Variants in DLC1 observed in about 807,000 individuals in gnomAD.
The protein encoded by DLC1 is rho GTPase-activating protein 7.
DLC1 carries 54 observed loss-of-function variants against 140.3 expected under a neutral mutation model. That is an observed-to-expected ratio of 0.38 (90% CI 0.31 to 0.48). The LOEUF (loss-of-function observed/expected upper bound fraction) is 0.48, where lower values mean the gene tolerates loss of function less well. Ranked by LOEUF, DLC1 falls within the 20% of genes least tolerant of loss-of-function variation. The probability of loss-of-function intolerance (pLI) is 0.96; values close to 1 mark genes in which losing one functional copy is unlikely to be tolerated. For missense variants in DLC1, 2,536 were observed against 1,907.0 expected (o/e 1.33, Z -6.14); for synonymous variants, 986 against 728.1 (o/e 1.35, Z -5.70).
chr8:13,519,371 A>C (rs1585236996), upstream of DLC1, among the ~76,000 whole-genome samples: 1 of 151,760 alleles, frequency 6.6e-6, no homozygotes, highest in African/African-American at 2.4e-5. Context: ...CCTGTGATCC[A>C]CCCGCCTTGG....
At chr8:13,585,923 C>T (rs1181670711) in intron 1 of DLC1, among the ~76,000 whole-genome samples, 1 of 152,124 alleles carries the variant, frequency 6.6e-6, no homozygotes, top group African/African-American at 2.4e-5. Flanking sequence ...GGATATAATT[C>T]AAACTGTAAT....
intron 5 of DLC1, among the ~76,000 whole-genome samples, chr8:13,259,007 G>A (rs766406633): frequency 2.0e-5 from 3 of 151,692 alleles, no homozygotes; most frequent in Non-Finnish European, 4.4e-5. Context: ...CGTGGTGGCG[G>A]GCGCCTGTAC....
intron 5 of DLC1, among the ~76,000 whole-genome samples, chr8:13,301,342 A>G (rs913833565): frequency 6.6e-6 from 1 of 152,136 alleles, no homozygotes; most frequent in Non-Finnish European, 1.5e-5. Flanking sequence ...CTTCTTCCAC[A>G]TGGACAGCTG....
intron 2 of DLC1, among the ~76,000 whole-genome samples, chr8:13,471,704 G>C (rs1319354499): frequency 2.6e-5 from 4 of 151,922 alleles, no homozygotes; most frequent in African/African-American, 9.7e-5. Context: ...AAAAAAGAGA[G>C]AAGGGAGAGA....
At chr8:13,173,481 C>T (rs1440910691) in intron 5 of DLC1, among the ~76,000 whole-genome samples, 1 of 149,062 alleles carries the variant, frequency 6.7e-6, no homozygotes, top group Admixed American at 6.9e-5. Flanking sequence ...AAGCGATTCT[C>T]CTGCCTCAGC....
intron 5 of DLC1, among the ~76,000 whole-genome samples, chr8:13,130,554 T>G (rs1343413599): frequency 6.6e-6 from 1 of 152,230 alleles, no homozygotes; most frequent in Admixed American, 6.5e-5. Flanking sequence ...GCCTTTCACC[T>G]TTACTCCAGA....
intron 2 of DLC1, among the ~76,000 whole-genome samples, chr8:13,457,590 T>C (rs1279847813): frequency 4.3e-5 from 6 of 138,650 alleles, no homozygotes; most frequent in African/African-American, 1.1e-4. Flanking sequence ...GGCAGGAGAA[T>C]GATGTGAACC....
chr8:13,214,797 A>T (rs575814752), intron 5 of DLC1: 1 of 779,686 alleles, frequency 1.3e-6, no homozygotes, highest in Non-Finnish European at 2.4e-6. Context: ...AGGGGAGGTA[A>T]AAAGGAGAGG....
At chr8:13,406,622 T>C (rs979164438) in intron 2 of DLC1, among the ~76,000 whole-genome samples, 3 of 152,198 alleles carry the variant, frequency 2.0e-5, no homozygotes, top group South Asian at 4.1e-4. Flanking sequence ...ATTTCTCATA[T>C]GACATGTTTT....
At chr8:13,105,469 T>C (rs867319050) in intron 7 of DLC1, among the ~76,000 whole-genome samples, 1 of 152,126 alleles carries the variant, frequency 6.6e-6, no homozygotes, top group South Asian at 2.1e-4. Flanking sequence ...GATATTATGA[T>C]TAACCTAGAT....
intron 5 of DLC1, among the ~76,000 whole-genome samples, chr8:13,232,862 TGATA>T (rs1399951118): frequency 6.6e-6 from 1 of 152,242 alleles, no homozygotes; most frequent in African/African-American, 2.4e-5. Flanking sequence ...TTGTTTCTTT[TGATA>T]GATTCAACTT....
At chr8:13,546,787 T>G (rs910780629) in intron 1 of DLC1, among the ~76,000 whole-genome samples, 2 of 152,124 alleles carry the variant, frequency 1.3e-5, no homozygotes, top group African/African-American at 2.4e-5. Flanking sequence ...AGATTTAGAC[T>G]TCTTTCTATT....
intron 1 of DLC1, among the ~76,000 whole-genome samples, chr8:13,529,124 G>A (rs2117302161): frequency 6.6e-6 from 1 of 152,198 alleles, no homozygotes; most frequent in East Asian, 1.9e-4. Context: ...TGAATTAGAG[G>A]AAATGTTTTT....
At chr8:13,181,366 T>C (rs533400546) in intron 5 of DLC1, among the ~76,000 whole-genome samples, 60 of 151,514 alleles carry the variant, frequency 4.0e-4, no homozygotes, top group African/African-American at 1.2e-3. Flanking sequence ...CTTTAAGTTC[T>C]AGGGTATATG....
At chr8:13,393,236 T>C (rs946076479) in intron 4 of DLC1, among the ~76,000 whole-genome samples, 4 of 152,124 alleles carry the variant, frequency 2.6e-5, no homozygotes, top group Admixed American at 2.6e-4. Flanking sequence ...ACTGTCAAGA[T>C]AATAGTGTAG....
At chr8:13,134,074 A>C (rs902331193) in intron 5 of DLC1, among the ~76,000 whole-genome samples, 3 of 152,196 alleles carry the variant, frequency 2.0e-5, no homozygotes, top group Non-Finnish European at 4.4e-5. Context: ...GCATAATTCC[A>C]ATCTTTGATG....
chr8:13,417,848 T>C (rs1412347021), intron 2 of DLC1, among the ~76,000 whole-genome samples: 3 of 152,100 alleles, frequency 2.0e-5, no homozygotes, highest in Non-Finnish European at 1.5e-5. Flanking sequence ...GTGTTCCTAT[T>C]TCTCCACATC....
intron 4 of DLC1, chr8:13,341,641 T>A (rs1270485520): frequency 6.6e-6 from 1 of 152,166 alleles, no homozygotes; most frequent in Non-Finnish European, 1.5e-5. Flanking sequence ...TAAGGACACG[T>A]CGCAGAAAGC....
intron 5 of DLC1, among the ~76,000 whole-genome samples, chr8:13,181,294 T>C (rs1409187982): frequency 6.6e-6 from 1 of 151,892 alleles, no homozygotes; most frequent in Non-Finnish European, 1.5e-5. Flanking sequence ...CAATTGTCAC[T>C]GTCTCAGGTG....
Sources: allele counts gnomAD v4.1 joint callset (sites outside exome capture counted in the v4.1 genomes callset), GRCh38; gene constraint gnomAD v4.1.1; transcripts MANE v1.5; gene names NCBI Gene and HGNC (gene_info 2026-07-23, HGNC 2026-07-21).